Variants in MOCS1 observed in about 807,000 individuals in gnomAD.
MOCS1 encodes molybdenum cofactor synthesis 1.
Under a neutral mutation model 57.6 loss-of-function variants are expected in MOCS1, and 39 were observed. The observed-to-expected ratio is 0.68, with a 90% CI of 0.52 to 0.88. MOCS1 has a LOEUF of 0.88. Ranked by LOEUF, MOCS1 falls within the 40% of genes least tolerant of loss-of-function variation. The pLI, the probability that MOCS1 is intolerant of heterozygous loss-of-function variation, is 0.00. For missense variants in MOCS1, 795 were observed against 831.1 expected (o/e 0.96, Z 0.53); for synonymous variants, 334 against 335.7 (o/e 1.00, Z 0.05).
At chr6:39,913,897 A>C (rs2149404873) in intron 4 of MOCS1, 62 bp from the exon 5 acceptor site, 1 of 1,503,284 alleles carries the variant, frequency 6.7e-7, no homozygotes, top group Admixed American at 1.7e-5. Flanking sequence ...CCACACCCCC[A>C]CAGAAAAGCA....
chr6:39,913,948 A>G, intron 4 of MOCS1, 113 bp from the exon 5 acceptor site: 2 of 1,077,680 alleles, frequency 1.9e-6, no homozygotes, highest in Non-Finnish European at 2.8e-6. Context: ...ACGTTTTCTA[A>G]AACAGGCCAG....
At chr6:39,923,194 T>A (rs1018552652) in intron 3 of MOCS1, among the ~76,000 whole-genome samples, 11 of 152,110 alleles carry the variant, frequency 7.2e-5, no homozygotes, top group African/African-American at 2.7e-4. Context: ...CTAACTAGCA[T>A]CCATGTGGCG....
chr6:39,930,211 C>A (rs928365128), intron 1 of MOCS1, among the ~76,000 whole-genome samples: 9 of 152,098 alleles, frequency 5.9e-5, no homozygotes, highest in Non-Finnish European at 1.5e-5. Context: ...TTTCCCTGTC[C>A]CTTAAGTCTC....
intron 8 of MOCS1, 43 bp downstream of exon 8, chr6:39,912,221 C>G (rs756210896): frequency 1.4e-6 from 2 of 1,434,688 alleles, no homozygotes; most frequent in Admixed American, 1.7e-5. Context: ...GACATGAGAA[C>G]ACAGAGGTGG....
intron 7 of MOCS1, 52 bp downstream of exon 7, chr6:39,912,840 G>A: frequency 3.0e-6 from 4 of 1,345,354 alleles, no homozygotes; most frequent in South Asian, 1.2e-5. Context: ...CCATCCTAGG[G>A]TGGAGGTACG....
In MOCS1 at chr6:39,904,364, A is replaced by C. The variant is rs1392202214; in HGVS notation, c.*1993T>G. On this transcript the variant is annotated 3_prime_UTR_variant, in exon 11 of 11. Coordinates refer to ENST00000340692, the MANE Select transcript of MOCS1 (RefSeq NM_001358530.2). ...TCTCCAACAGTGCCTTGGACCATGG[A>C]CTCATACTCAACTGAGTAAGAAGGG... The C allele has an allele frequency of 1.1e-5, 5 of 456,452 alleles. No homozygotes were observed. The highest frequency in any genetic ancestry group is 1.0e-4 in the African/African-American group (5 of 50,034). The allele number at this position is 456,452 out of a possible 1,614,324, so 28.3% of individuals were successfully genotyped here. A position where few individuals can be genotyped will look rare whatever the true frequency, so the allele number is the denominator to read the frequency against.
rs1766763779 is a variant in MOCS1 at position 39,905,030 on chromosome 6, G to GGGA, written c.*1324_*1326dup. ...CTGGTAGCTTGAAATTATTCAACAT[G>GGGA]GGAGTATTTATATCACAAATTGTCT... is the stretch of plus-strand genomic sequence containing the variant. On this transcript the variant is annotated 3_prime_UTR_variant, in exon 11 of 11. Transcript: ENST00000340692. The GGGA allele has an allele frequency of 2.2e-6, 1 of 454,058 alleles. No individual in the cohort carries two copies. Among genetic ancestry groups the GGGA allele is most frequent in the Non-Finnish European group, 4.4e-6 (1 of 226,788 alleles). 28.1% of individuals were successfully genotyped at this position (454,058 alleles called of 1,614,324 possible).
intron 10 of MOCS1, among the ~76,000 whole-genome samples, chr6:39,907,593 G>A (rs1767040005): frequency 6.6e-6 from 1 of 152,150 alleles, no homozygotes; most frequent in African/African-American, 2.4e-5. Context: ...AAGATAATAA[G>A]GGGAATTTGT....
At position 39,925,934 on chromosome 6, in the gene MOCS1, C is replaced by A; in HGVS notation, c.251-89G>T. 5 of 1,415,906 alleles carry A rather than the reference C, an allele frequency of 3.5e-6. No individual in the cohort carries two copies. In the South Asian group the frequency reaches 6.9e-5, roughly 19 times the overall value. 87.7% of individuals were successfully genotyped at this position (1,415,906 alleles called of 1,614,324 possible). A position where few individuals can be genotyped will look rare whatever the true frequency, so the allele number is the denominator to read the frequency against. On this transcript the variant is annotated intron_variant, in intron 2 of 10. Transcript: ENST00000340692. ...CTCCACTCCCCAACTCTCCATCAGGCCAAAGGCTTCTCAAACCCATCTGGA... is the reference window on the plus strand; with the variant it reads ...CTCCACTCCCCAACTCTCCATCAGGACAAAGGCTTCTCAAACCCATCTGGA...
In MOCS1 at chr6:39,925,729, G is replaced by T. The variant is rs779592342; in HGVS notation, c.367C>A (p.Arg123=). 5 of 1,612,808 alleles carry T rather than the reference G, an allele frequency of 3.1e-6. No individual in the cohort carries two copies. Among genetic ancestry groups the T allele is most frequent in the Non-Finnish European group, 4.2e-6 (5 of 1,179,996 alleles). Residue 123 remains arginine, a synonymous_variant, in exon 3 of 11, where the codon CGG becomes AGG. Transcript: ENST00000340692. ...LFVKEGIDKI[R]LTGGEPLIRP... The stretch of plus-strand genomic sequence containing the variant: ...ATAAGCGGCTCTCCACCTGTGAGCC[G>T]GATCTTGTCGATGCCTTCCTTCACA...
At chr6:39,913,291 C>T (rs1295569632) in intron 6 of MOCS1, 26 bp downstream of exon 6, 6 of 1,600,124 alleles carry the variant, frequency 3.7e-6, no homozygotes, top group Non-Finnish European at 5.1e-6. Context: ...CTTCTTCCCT[C>T]CCTCAACCCA....
At position 39,927,295 on chromosome 6, in the gene MOCS1, A is replaced by G. The variant is rs1210500248; in HGVS notation, c.250+34T>C. 8 of 1,606,326 alleles carry G rather than the reference A, an allele frequency of 5.0e-6. No homozygotes were observed. The East Asian group carries it at 1.3e-4, about 27-fold the overall frequency. ...TCAAGGGCTGCTTCAGCAGATGGACACCAGCCCAGAGAGGGCCCAGGAAGG... is the reference window on the plus strand; with the variant it reads ...TCAAGGGCTGCTTCAGCAGATGGACGCCAGCCCAGAGAGGGCCCAGGAAGG... On this transcript the variant is annotated intron_variant, in intron 2 of 10. Coordinates refer to ENST00000340692, the MANE Select transcript of MOCS1 (RefSeq NM_001358530.2).
At position 39,916,232 on chromosome 6, in the gene MOCS1, G is replaced by T. The variant is rs548898048; in HGVS notation, c.419C>A (p.Ala140Asp). The T allele has an allele frequency of 1.2e-5, 20 of 1,613,640 alleles. No homozygotes were observed. The highest frequency in any genetic ancestry group is 1.7e-5 in the Non-Finnish European group (20 of 1,180,026). Residue 140 changes from alanine to aspartate, a missense_variant and splice_region_variant, in exon 4 of 11, where the codon GCC becomes GAC. Physicochemically the swap from Ala to Asp is moderately radical, Grantham distance 126 (BLOSUM62 -2). Around this residue, in one of 3 missense-constraint regions of MOCS1, gnomAD observed 416 missense variants for 392.4 expected, o/e 1.06. Coordinates refer to ENST00000340692, the MANE Select transcript of MOCS1 (RefSeq NM_001358530.2). ...LIRPDVVDIV[A>D]QLQRLEGLRT... ...CAGCCCTTCCAGCCGCTGGAGCTGG[G>T]CTGTAAGGACAACAGAAAGGGGGTC...
intron 5 of MOCS1, 78 bp from the exon 6 acceptor site, chr6:39,913,506 C>T: frequency 8.0e-7 from 1 of 1,244,844 alleles, no homozygotes; most frequent in South Asian, 1.2e-5. Flanking sequence ...GGGCCTGGCA[C>T]TCACTGAGGC....
chr6:39,928,471 C>T (rs1768465377), intron 1 of MOCS1, among the ~76,000 whole-genome samples: 2 of 152,148 alleles, frequency 1.3e-5, no homozygotes, highest in African/African-American at 4.8e-5. Flanking sequence ...ACCCTGATTC[C>T]AGGTTCTAAA....
At position 39,904,999 on chromosome 6, in the gene MOCS1, G is replaced by A. The variant is rs1562077510; in HGVS notation, c.*1358C>T. The A allele has an allele frequency of 2.2e-6, 1 of 453,132 alleles. No individual in the cohort carries two copies. Among genetic ancestry groups the A allele is most frequent in the East Asian group, 7.0e-5 (1 of 14,362 alleles). The allele number at this position is 453,132 out of a possible 1,614,324, so 28.1% of individuals were successfully genotyped here. ...TTTTCAGAAATTTTGCAAGCCATTT[G>A]ACATACTGGTAGCTTGAAATTATTC... On this transcript the variant is annotated 3_prime_UTR_variant, in exon 11 of 11. Transcript: ENST00000340692.
rs1767219129 is a variant in MOCS1 at position 39,909,902 on chromosome 6, C to T, written c.1035G>A (p.Gly345=). The T allele has an allele frequency of 1.2e-6, 2 of 1,613,776 alleles. No homozygotes were observed. Among genetic ancestry groups the T allele is most frequent in the Admixed American group, 1.7e-5 (1 of 60,002 alleles). The change falls in exon 9 of 11, where the codon GGG becomes GGA. Residue 345 remains glycine, a synonymous_variant. Transcript: ENST00000340692. ...TTCTCAGCAGCTCCTGCTCAGAGGCCCCAGCTCGCAGGTGATCCCGCAGGG... is the reference window on the plus strand; with the variant it reads ...TTCTCAGCAGCTCCTGCTCAGAGGCTCCAGCTCGCAGGTGATCCCGCAGGG... ...EVSLRDHLRA[G]ASEQELLRII... is the part of the protein sequence containing the mutation.
chr6:39,909,999 T>G (rs781724955), intron 8 of MOCS1, 44 bp from the exon 9 acceptor site: 1 of 1,608,770 alleles, frequency 6.2e-7, no homozygotes, highest in South Asian at 1.1e-5. Flanking sequence ...CCCCTGAGCC[T>G]TGGCCTCCTG....
At chr6:39,927,593 A>G (rs775848651) in intron 1 of MOCS1, 138 bp from the exon 2 acceptor site, 3 of 1,605,620 alleles carry the variant, frequency 1.9e-6, no homozygotes, top group Non-Finnish European at 2.5e-6. Context: ...GGGCTCTGCA[A>G]TGTTGGGGAA....
Sources: allele counts gnomAD v4.1 joint callset (sites outside exome capture counted in the v4.1 genomes callset), GRCh38; gene constraint gnomAD v4.1.1; regional missense constraint gnomAD v4.1.1; transcripts MANE v1.5; gene names NCBI Gene and HGNC (gene_info 2026-07-23, HGNC 2026-07-21).